The following NCAM2 variants were observed in gnomAD, a reference collection of about 807,000 sequenced individuals.
The protein encoded by NCAM2 is N-CAM-2.
A neutral mutation model predicts 98.1 loss-of-function variants in NCAM2; 30 were observed. That is an observed-to-expected ratio of 0.31 (90% CI 0.23 to 0.41). The LOEUF (loss-of-function observed/expected upper bound fraction) is 0.41. Among genes scored for constraint, NCAM2 ranks in the 10% least tolerant of loss-of-function variants. The probability of loss-of-function intolerance (pLI) is 1.00; values close to 1 mark genes in which losing one functional copy is unlikely to be tolerated. For missense variants in NCAM2, 867 were observed against 1,005.8 expected, an observed-to-expected ratio of 0.86 and a Z score of 1.87; for synonymous variants, 368 against 342.4, an observed-to-expected ratio of 1.07 and a Z score of -0.83.
chr21:21,308,070 T>TAC (rs71195319), intron 5 of NCAM2, among the ~76,000 whole-genome samples: 57,950 of 150,912 alleles, frequency 0.38, 13,010 homozygotes, highest in African/African-American at 0.61. Flanking sequence ...CATACACACA[T>TAC]ACACACACAC....
chr21:21,049,405 C>T (rs1408888878), intron 1 of NCAM2, among the ~76,000 whole-genome samples: 2 of 152,092 alleles, frequency 1.3e-5, no homozygotes, highest in African/African-American at 4.8e-5. Context: ...CATTAGGCTT[C>T]TAATTACATG....
At chr21:21,517,730 T>A (rs896478895) in intron 16 of NCAM2, among the ~76,000 whole-genome samples, 6 of 152,030 alleles carry the variant, frequency 3.9e-5, no homozygotes, top group African/African-American at 1.4e-4. Flanking sequence ...TGGTGGTGCA[T>A]GCCTGTAATC....
intron 12 of NCAM2, among the ~76,000 whole-genome samples, chr21:21,434,094 T>C (rs1464030207): frequency 6.6e-6 from 1 of 152,168 alleles, no homozygotes; most frequent in East Asian, 1.9e-4. Flanking sequence ...AATCCTGACA[T>C]TTTATCTTAC....
chr21:21,091,199 T>A (rs1421148830), intron 1 of NCAM2, among the ~76,000 whole-genome samples: 1 of 152,178 alleles, frequency 6.6e-6, no homozygotes, highest in African/African-American at 2.4e-5. Context: ...CACTGAGGTT[T>A]TTGTTTGTTT....
At chr21:21,420,046 TA>T in intron 11 of NCAM2, among the ~76,000 whole-genome samples, 1 of 152,064 alleles carries the variant, frequency 6.6e-6, no homozygotes, top group Non-Finnish European at 1.5e-5. Context: ...TTTAAAAAAT[TA>T]AATTATATTT....
chr21:21,197,244 T>C (rs1431696938), intron 1 of NCAM2, among the ~76,000 whole-genome samples: 3 of 152,114 alleles, frequency 2.0e-5, no homozygotes, highest in African/African-American at 7.2e-5. Flanking sequence ...ATTTTCCTGC[T>C]TCAGCCTCCT....
chr21:21,173,642 T>C (rs186993246), intron 1 of NCAM2, among the ~76,000 whole-genome samples: 20 of 152,308 alleles, frequency 1.3e-4, no homozygotes, highest in African/African-American at 4.8e-4. Flanking sequence ...TAAAACCTCT[T>C]TTGAGAGAGG....
At chr21:21,280,841 G>A (rs2072903936) in intron 2 of NCAM2, among the ~76,000 whole-genome samples, 189 bp downstream of exon 2, 1 of 152,158 alleles carries the variant, frequency 6.6e-6, no homozygotes, top group Admixed American at 6.5e-5. Flanking sequence ...GAGGGCGGTA[G>A]TGTGATCTCG....
chr21:21,335,212 A>G (rs2147859202), intron 6 of NCAM2, among the ~76,000 whole-genome samples: 1 of 152,244 alleles, frequency 6.6e-6, no homozygotes, highest in African/African-American at 2.4e-5. Flanking sequence ...TTTTTTGCCA[A>G]TAATCAAAGT....
intron 12 of NCAM2, among the ~76,000 whole-genome samples, chr21:21,447,750 T>G (rs932127317): frequency 1.2e-4 from 19 of 152,040 alleles, no homozygotes; most frequent in African/African-American, 4.3e-4. Flanking sequence ...GAACAGACAC[T>G]TCCCAAAGAA....
intron 9 of NCAM2, among the ~76,000 whole-genome samples, chr21:21,388,230 A>G (rs1333092936): frequency 6.6e-6 from 1 of 152,204 alleles, no homozygotes; most frequent in African/African-American, 2.4e-5. Flanking sequence ...GCCAAACATC[A>G]GTTCATCAGG....
intron 1 of NCAM2, among the ~76,000 whole-genome samples, chr21:21,278,749 A>G (rs1314402769): frequency 6.6e-6 from 1 of 152,188 alleles, no homozygotes; most frequent in Non-Finnish European, 1.5e-5. Context: ...ACTGTGAGGA[A>G]ACATATTTTA....
chr21:21,168,877 T>C lies in NCAM2; in HGVS notation c.56-111701T>C, dbSNP rs1035821473. ...GATGCCAGTTTTTTCCGACTTTATC[T>C]ATAGATTCAACATAATCTCAATAAA... is the stretch of plus-strand genomic sequence containing the variant. On this transcript the variant is annotated intron_variant, in intron 1 of 17. Transcript: ENST00000400546. 2.0e-5 allele frequency among the ~76,000 whole-genome samples: 3 copies of C among 152,166 alleles called. No homozygotes were observed. The South Asian group carries it at 6.2e-4, about 32-fold the overall frequency.
At chr21:21,487,540 G>A (rs1163609233) in intron 15 of NCAM2, among the ~76,000 whole-genome samples, 1 of 151,962 alleles carries the variant, frequency 6.6e-6, no homozygotes, top group Non-Finnish European at 1.5e-5. Flanking sequence ...ATCGTTCACT[G>A]TTAAAATATT....
At chr21:21,299,313 G>A (rs1456374527) in intron 5 of NCAM2, among the ~76,000 whole-genome samples, 1 of 137,074 alleles carries the variant, frequency 7.3e-6, no homozygotes. Flanking sequence ...TTTTTTTTTT[G>A]CTTGTGTCAT....
rs149228638 is a variant in NCAM2, at chr21:21,510,996, A to G, written c.2282+1941A>G. Among the ~76,000 whole-genome samples the G allele has an allele frequency of 2.0e-3, 299 of 152,146 alleles. 2 individuals carry two copies. The highest frequency in any genetic ancestry group is 7.0e-3 in the African/African-American group (291 of 41,558). ...TACTTTTTCCTGTTTTGTACTTTAC[A>G]TAAATGAGTTTATACTTGTTGCATA... is the stretch of plus-strand genomic sequence containing the variant. On this transcript the variant is annotated intron_variant, in intron 16 of 17. Coordinates refer to ENST00000400546, the MANE Select transcript of NCAM2 (RefSeq NM_004540.5).
intron 1 of NCAM2, among the ~76,000 whole-genome samples, chr21:21,002,469 A>G (rs1268600122): frequency 1.3e-5 from 2 of 152,318 alleles, no homozygotes; most frequent in Non-Finnish European, 2.9e-5. Flanking sequence ...GAAATGAGCT[A>G]CAGAGATTGA....
At chr21:21,334,695 T>C (rs2074810498) in intron 6 of NCAM2, among the ~76,000 whole-genome samples, 1 of 151,990 alleles carries the variant, frequency 6.6e-6, no homozygotes, top group South Asian at 2.1e-4. Flanking sequence ...TATAAAACGA[T>C]TTCACAAATA....
rs1555886397 is a variant in NCAM2, at chr21:21,115,991, GTC to G, written c.55+117375_55+117376del. ...TGTGTGTGTGTGTGTGTGTGTGTGT[GTC>G]TGTCTGTCTTTCATGCTGAGATTGT... On this transcript the variant is annotated intron_variant, in intron 1 of 17. Transcript: ENST00000400546. Among the ~76,000 whole-genome samples the G allele has an allele frequency of 4.8e-3, 608 of 127,890 alleles. 6 individuals are homozygous for G. The highest frequency in any genetic ancestry group is 0.021 in the Admixed American group (255 of 11,904). The allele number at this position is 127,890 out of a possible 152,430, so 83.9% of individuals were successfully genotyped here.
Sources: allele counts gnomAD v4.1 joint callset (sites outside exome capture counted in the v4.1 genomes callset), GRCh38; gene constraint gnomAD v4.1.1; transcripts MANE v1.5; gene names NCBI Gene and HGNC (gene_info 2026-07-23, HGNC 2026-07-21).